The following TBC1D2B variants were observed in gnomAD, a reference collection of about 807,000 sequenced individuals.
The protein encoded by TBC1D2B is TBC1 domain family, member 2B.
Under a neutral mutation model 100.8 loss-of-function variants are expected in TBC1D2B, and 64 were observed. The ratio of observed to expected loss-of-function variants is 0.64; its 90% confidence interval spans 0.52 to 0.78. The LOEUF (loss-of-function observed/expected upper bound fraction) is 0.78. TBC1D2B is among the 30% of genes least tolerant of loss of function. The probability of loss-of-function intolerance (pLI) is 0.00; values close to 1 mark genes in which losing one functional copy is unlikely to be tolerated. For missense variants in TBC1D2B, 1,052 were observed against 1,218.4 expected (o/e 0.86, Z 2.03); for synonymous variants, 480 against 479.7 (o/e 1.00, Z -0.01).
chr15:78,033,744 T>C (rs1184288972), intron 3 of TBC1D2B, among the ~76,000 whole-genome samples: 1 of 152,186 alleles, frequency 6.6e-6, no homozygotes, highest in African/African-American at 2.4e-5. Flanking sequence ...CTGAGGTGGA[T>C]TAAAGGAAAG....
Position 78,016,631 on chromosome 15 carries a change from C to T in TBC1D2B, c.1690G>A (p.Val564Ile). The change falls in exon 8 of 13, where the codon GTC (valine) becomes ATC (isoleucine). Residue 564 changes from valine (V) to isoleucine (I), a missense_variant. Coordinates refer to ENST00000300584, the MANE Select transcript of TBC1D2B (RefSeq NM_144572.2). Reference protein sequence around the residue: ...CSEDQGPTREVIAQLLEDALQ... With the variant: ...CSEDQGPTREIIAQLLEDALQ... The stretch of plus-strand genomic sequence containing the variant: ...GCATCCTCCAGCAACTGGGCTATGA[C>T]CTCCCGGGTGGGCCCCTGGTCTTCT... 2 of 1,612,948 alleles carry T rather than the reference C, an allele frequency of 1.2e-6. No homozygotes were observed. Among genetic ancestry groups the T allele is most frequent in the Non-Finnish European group, 1.7e-6 (2 of 1,179,440 alleles).
In TBC1D2B at chr15:78,045,178, T is replaced by C. The variant is rs542195393; in HGVS notation, c.515-110A>G. The C allele has an allele frequency of 6.2e-6, 6 of 974,456 alleles. No homozygotes were observed. The East Asian group carries it at 8.0e-5, about 13-fold the overall frequency. 60.4% of individuals were successfully genotyped at this position (974,456 alleles called of 1,614,324 possible). A position where few individuals can be genotyped will look rare whatever the true frequency, so the allele number is the denominator to read the frequency against. On this transcript the variant is annotated intron_variant, in intron 2 of 12. Coordinates refer to ENST00000300584, the MANE Select transcript of TBC1D2B (RefSeq NM_144572.2). Reference sequence around the variant, plus strand: ...CTATATAAAAATCTAAACTATGTAATAGTATATTTTTAATGTATACTACAT... The same window carrying C: ...CTATATAAAAATCTAAACTATGTAACAGTATATTTTTAATGTATACTACAT...
At chr15:78,042,290 C>G (rs888374165) in intron 3 of TBC1D2B, among the ~76,000 whole-genome samples, 13 of 152,194 alleles carry the variant, frequency 8.5e-5, no homozygotes, top group South Asian at 2.1e-4. Flanking sequence ...GATGACACAG[C>G]TTAGGTATGA....
At chr15:78,072,121 C>T (rs2073750880) in intron 1 of TBC1D2B, among the ~76,000 whole-genome samples, 1 of 152,206 alleles carries the variant, frequency 6.6e-6, no homozygotes, top group African/African-American at 2.4e-5. Context: ...GGCACTTCAA[C>T]ATACGAATTT....
chr15:78,005,091 T>A (rs1210852022), intron 10 of TBC1D2B, among the ~76,000 whole-genome samples: 1 of 152,172 alleles, frequency 6.6e-6, no homozygotes, highest in Non-Finnish European at 1.5e-5. Flanking sequence ...CAGCTGGCCC[T>A]GACATGGGAG....
At chr15:78,004,552 A>T (rs1379563435) in intron 10 of TBC1D2B, among the ~76,000 whole-genome samples, 1 of 152,250 alleles carries the variant, frequency 6.6e-6, no homozygotes, top group Non-Finnish European at 1.5e-5. Flanking sequence ...ATGCATCTTC[A>T]ACCATCACCC....
intron 9 of TBC1D2B, among the ~76,000 whole-genome samples, chr15:78,011,737 C>T (rs1197791752): frequency 2.0e-5 from 3 of 151,236 alleles, no homozygotes; most frequent in Admixed American, 6.6e-5. Flanking sequence ...CAACATCTGC[C>T]TCCCGGGTTC....
At chr15:78,048,155 C>T (rs1486466411) in intron 2 of TBC1D2B, among the ~76,000 whole-genome samples, 1 of 152,166 alleles carries the variant, frequency 6.6e-6, no homozygotes, top group East Asian at 1.9e-4. Context: ...TCAGAGGCCC[C>T]AAGGAGGGGT....
chr15:78,040,984 T>C (rs1019434477), intron 3 of TBC1D2B, among the ~76,000 whole-genome samples: 2 of 152,192 alleles, frequency 1.3e-5, no homozygotes, highest in South Asian at 2.1e-4. Context: ...TTATCTTTCT[T>C]GGGCAAATCA....
intron 12 of TBC1D2B, 107 bp from the exon 13 acceptor site, chr15:77,998,462 G>A (rs527459009): frequency 4.1e-5 from 43 of 1,056,812 alleles, no homozygotes; most frequent in Admixed American, 8.1e-5. Context: ...TGGGAAGAGC[G>A]CTGGCCAGGC....
At chr15:78,040,843 A>AAAGAAAGG (rs1226474268) in intron 3 of TBC1D2B, among the ~76,000 whole-genome samples, 1,344 of 127,394 alleles carry the variant, frequency 0.011, 11 homozygotes, top group Non-Finnish European at 0.016. Flanking sequence ...AAGAAAAAAG[A>AAAGAAAGG]AAGAAAGAAA....
Position 77,996,467 on chromosome 15 carries a change from G to C in TBC1D2B, c.*1693C>G, listed in dbSNP as rs1393988587. The stretch of plus-strand genomic sequence containing the variant: ...ACACTTGATTCGAGCAGACTGCAAC[G>C]CCCAGCTCACAGGACAACTGAAGGA... On this transcript the variant is annotated 3_prime_UTR_variant, in exon 13 of 13. Coordinates refer to ENST00000300584, the MANE Select transcript of TBC1D2B (RefSeq NM_144572.2). 1 of 152,194 alleles carries C rather than the reference G, an allele frequency of 6.6e-6. No homozygotes were observed. The highest frequency in any genetic ancestry group is 6.5e-5 in the Admixed American group (1 of 15,274). The allele number at this position is 152,194 out of a possible 1,614,324, so 9.4% of individuals were successfully genotyped here. A position where few individuals can be genotyped will look rare whatever the true frequency, so the allele number is the denominator to read the frequency against.
intron 2 of TBC1D2B, among the ~76,000 whole-genome samples, chr15:78,049,593 T>G (rs550487967): frequency 2.6e-4 from 39 of 152,208 alleles, no homozygotes; most frequent in African/African-American, 8.4e-4. Context: ...CCTGTTCTCC[T>G]GCAATCTGGC....
rs2057909402 is a variant in TBC1D2B at position 78,030,188 on chromosome 15, ATG to A, written c.684-20_684-19del. On this transcript the variant is annotated intron_variant, in intron 3 of 12. Coordinates refer to ENST00000300584, the MANE Select transcript of TBC1D2B (RefSeq NM_144572.2). Reference sequence around the variant, plus strand: ...TCGAATTCCTGTTGGGAAAAACAATATGTGTTATTAACAAAAACAAAAGTAAA... The same window carrying A: ...TCGAATTCCTGTTGGGAAAAACAATATGTTATTAACAAAAACAAAAGTAAA... 6.3e-7 allele frequency: 1 copy of A among 1,599,210 alleles called. No homozygotes were observed. Among genetic ancestry groups the A allele is most frequent in the Non-Finnish European group, 8.5e-7 (1 of 1,173,012 alleles).
intron 3 of TBC1D2B, among the ~76,000 whole-genome samples, chr15:78,031,843 G>C (rs1313339956): frequency 6.6e-6 from 1 of 152,082 alleles, no homozygotes; most frequent in Non-Finnish European, 1.5e-5. Flanking sequence ...TTGGATATTG[G>C]CCATCAGGCA....
intron 8 of TBC1D2B, among the ~76,000 whole-genome samples, 190 bp from the exon 9 acceptor site, chr15:78,013,507 T>C (rs541037959): frequency 6.6e-6 from 1 of 152,148 alleles, no homozygotes; most frequent in Non-Finnish European, 1.5e-5. Context: ...GCTATCTATA[T>C]GCAAAAATTA....
At chr15:78,053,944 A>G in intron 2 of TBC1D2B, 90 bp downstream of exon 2, 1 of 1,354,008 alleles carries the variant, frequency 7.4e-7, no homozygotes. Context: ...TTTTCTTTCT[A>G]AATTCATTTT....
At chr15:78,026,100 T>C (rs1387558515) in intron 4 of TBC1D2B, among the ~76,000 whole-genome samples, 1 of 152,004 alleles carries the variant, frequency 6.6e-6, no homozygotes, top group Non-Finnish European at 1.5e-5. Flanking sequence ...TTTTTGCTAA[T>C]TTGTCCTTAG....
rs2072770686 is a variant in TBC1D2B at position 78,030,073 on chromosome 15, G to C, written c.781C>G (p.Pro261Ala). The C allele has an allele frequency of 1.2e-6, 2 of 1,613,660 alleles. No individual in the cohort carries two copies. Among genetic ancestry groups the C allele is most frequent in the South Asian group, 1.1e-5 (1 of 91,072 alleles). ...NEEWELLDPT[P>A]KDLEESIVQE... Reference sequence around the variant, plus strand: ...ACTATGGACTCCTCTAGGTCCTTAGGGGTTGGGTCTAAAAGTTCCCACTCT... The same window carrying C: ...ACTATGGACTCCTCTAGGTCCTTAGCGGTTGGGTCTAAAAGTTCCCACTCT... The change falls in exon 4 of 13, where the codon CCT (proline) becomes GCT (alanine). Residue 261 changes from proline to alanine, a missense_variant. Pro to Ala is a conservative substitution (Grantham distance 27). Transcript: ENST00000300584.
Sources: allele counts gnomAD v4.1 joint callset (sites outside exome capture counted in the v4.1 genomes callset), GRCh38; gene constraint gnomAD v4.1.1; transcripts MANE v1.5; gene names NCBI Gene and HGNC (gene_info 2026-07-23, HGNC 2026-07-21).